Variants in SH3PXD2A observed in about 807,000 individuals in gnomAD.
The protein encoded by SH3PXD2A is SH3 and PX domains 2A.
Under a neutral mutation model 115.2 loss-of-function variants are expected in SH3PXD2A, and 32 were observed. The observed-to-expected ratio is 0.28, with a 90% CI of 0.21 to 0.37. The LOEUF (loss-of-function observed/expected upper bound fraction) is 0.37. Ranked by LOEUF, SH3PXD2A falls within the 10% of genes least tolerant of loss-of-function variation. The pLI is 1.00. For missense variants in SH3PXD2A, 1,328 were observed against 1,498.7 expected, an observed-to-expected ratio of 0.89 and a Z score of 1.88; for synonymous variants, 610 against 629.1, an observed-to-expected ratio of 0.97 and a Z score of 0.45.
intron 11 of SH3PXD2A, 52 bp downstream of exon 11, chr10:103,617,145 C>T: frequency 7.5e-7 from 1 of 1,327,092 alleles, no homozygotes; most frequent in Non-Finnish European, 1.1e-6. Flanking sequence ...GCACTCTGCC[C>T]AGGGCCCAGG....
chr10:103,699,320 A>G (rs954112050), intron 5 of SH3PXD2A, among the ~76,000 whole-genome samples: 2 of 152,126 alleles, frequency 1.3e-5, no homozygotes, highest in Non-Finnish European at 2.9e-5. Flanking sequence ...ACAGACTAGA[A>G]ATGATCAGCG....
intron 2 of SH3PXD2A, among the ~76,000 whole-genome samples, chr10:103,794,360 T>C (rs2039066176): frequency 6.6e-6 from 1 of 152,220 alleles, no homozygotes; most frequent in Non-Finnish European, 1.5e-5. Flanking sequence ...ATTGACCCTG[T>C]GCACTCGCTG....
At chr10:103,688,670 T>C (rs1361037746) in intron 6 of SH3PXD2A, among the ~76,000 whole-genome samples, 3 of 152,122 alleles carry the variant, frequency 2.0e-5, no homozygotes, top group East Asian at 3.9e-4. Flanking sequence ...GTGACTGGTG[T>C]GGCTGAGCAG....
At chr10:103,628,334 A>C (rs1423807417) in intron 8 of SH3PXD2A, among the ~76,000 whole-genome samples, 2 of 152,138 alleles carry the variant, frequency 1.3e-5, no homozygotes, top group African/African-American at 2.4e-5. Context: ...TCTAGTCCTG[A>C]ATGCCCTCTG....
At chr10:103,707,477 G>T (rs1310225431) in intron 5 of SH3PXD2A, among the ~76,000 whole-genome samples, 1 of 152,136 alleles carries the variant, frequency 6.6e-6, no homozygotes, top group African/African-American at 2.4e-5. Context: ...TTATAGGCGT[G>T]AGCCACCGCG....
chr10:103,674,305 C>T lies in SH3PXD2A; in HGVS notation c.428-5653G>A, dbSNP rs139014305. On this transcript the variant is annotated intron_variant, in intron 6 of 14. Transcript: ENST00000369774. The stretch of plus-strand genomic sequence containing the variant: ...GAACAGGGCACTTCCTTGTGGTAGG[C>T]ACTACTGTATAGGCACACAGCAACT... 8.2e-4 allele frequency among the ~76,000 whole-genome samples: 125 copies of T among 152,280 alleles called. 1 individual carries two copies. The highest frequency in any genetic ancestry group is 3.0e-3 in the African/African-American group (124 of 41,562).
chr10:103,596,661 ACACT>A lies in SH3PXD2A; in HGVS notation c.*5151_*5154del, dbSNP rs1305697619. 3 of 36,978 alleles carry A rather than the reference ACACT, an allele frequency of 8.1e-5. No individual in the cohort carries two copies. Among genetic ancestry groups the A allele is most frequent in the African/African-American group, 2.6e-4 (3 of 11,472 alleles). The allele number at this position is 36,978 out of a possible 1,614,324, so 2.3% of individuals were successfully genotyped here. A position where few individuals can be genotyped will look rare whatever the true frequency, so the allele number is the denominator to read the frequency against. On this transcript the variant is annotated 3_prime_UTR_variant, in exon 15 of 15. Coordinates refer to ENST00000369774, the MANE Select transcript of SH3PXD2A (RefSeq NM_001394015.1). ...CACACACACACACACACACACACAC[ACACT>A]CTCTCTCTCTCTCTCTCTCTCACAA...
chr10:103,674,982 G>A (rs1172128774), intron 6 of SH3PXD2A, among the ~76,000 whole-genome samples: 3 of 152,228 alleles, frequency 2.0e-5, no homozygotes, highest in Admixed American at 2.0e-4. Context: ...TGTTTAGTGT[G>A]TGAGCTGCTT....
chr10:103,690,375 A>G (rs980190927), intron 6 of SH3PXD2A, among the ~76,000 whole-genome samples: 1 of 152,148 alleles, frequency 6.6e-6, no homozygotes, highest in Non-Finnish European at 1.5e-5. Context: ...GTGCATAGAG[A>G]GCTTGAAGAC....
At chr10:103,788,284 G>A (rs995280790) in intron 2 of SH3PXD2A, among the ~76,000 whole-genome samples, 4 of 152,142 alleles carry the variant, frequency 2.6e-5, no homozygotes, top group Non-Finnish European at 4.4e-5. Context: ...ACTCCTGGAG[G>A]GTAACTCAGG....
chr10:103,643,140 G>A (rs954340489), intron 8 of SH3PXD2A, among the ~76,000 whole-genome samples: 9 of 152,180 alleles, frequency 5.9e-5, no homozygotes, highest in Non-Finnish European at 1.0e-4. Flanking sequence ...CTCTGACAAC[G>A]TGGATTCTTC....
intron 3 of SH3PXD2A, among the ~76,000 whole-genome samples, chr10:103,766,317 G>A (rs1468984129): frequency 1.3e-5 from 2 of 152,230 alleles, no homozygotes; most frequent in East Asian, 1.9e-4. Context: ...TCTGGGGAAC[G>A]GTAGGGGTTC....
At chr10:103,849,477 C>A (rs958600037) in intron 1 of SH3PXD2A, among the ~76,000 whole-genome samples, 3 of 152,210 alleles carry the variant, frequency 2.0e-5, no homozygotes, top group African/African-American at 7.2e-5. Flanking sequence ...CTGACCGGCA[C>A]CATGCACACA....
rs9521 is a variant in SH3PXD2A at position 103,598,701 on chromosome 10, C to G, written c.*3115G>C. 52,216 of 152,540 alleles carry G rather than the reference C, an allele frequency of 0.34. 9,360 individuals are homozygous for G. The highest frequency in any genetic ancestry group is 0.45 in the East Asian group (2,324 of 5,156). 9.4% of individuals were successfully genotyped at this position (152,540 alleles called of 1,614,324 possible). A position where few individuals can be genotyped will look rare whatever the true frequency, so the allele number is the denominator to read the frequency against. ...GCCCCCTCCCTCCTCTGCCTGCTGCCGGCAGTATCCTTCAGCATCACAAAG... is the reference window on the plus strand; with the variant it reads ...GCCCCCTCCCTCCTCTGCCTGCTGCGGGCAGTATCCTTCAGCATCACAAAG... On this transcript the variant is annotated 3_prime_UTR_variant, in exon 15 of 15. Transcript: ENST00000369774.
intron 1 of SH3PXD2A, among the ~76,000 whole-genome samples, chr10:103,820,329 C>T (rs1011698624): frequency 5.9e-5 from 9 of 152,120 alleles, no homozygotes; most frequent in African/African-American, 9.7e-5. Context: ...AACTCCAGGA[C>T]GTCATTTGCT....
At chr10:103,713,928 T>C (rs1474154770) in intron 5 of SH3PXD2A, among the ~76,000 whole-genome samples, 1 of 152,192 alleles carries the variant, frequency 6.6e-6, no homozygotes, top group African/African-American at 2.4e-5. Flanking sequence ...GAGTGGGGAC[T>C]GAGCTACTTC....
At chr10:103,789,534 C>T (rs1306391066) in intron 2 of SH3PXD2A, among the ~76,000 whole-genome samples, 1 of 144,238 alleles carries the variant, frequency 6.9e-6, no homozygotes, top group East Asian at 2.0e-4. Context: ...TATACGTACA[C>T]ACACACACAC....
chr10:103,805,090 A>G (rs920490438), intron 1 of SH3PXD2A, among the ~76,000 whole-genome samples: 1 of 152,186 alleles, frequency 6.6e-6, no homozygotes, highest in Non-Finnish European at 1.5e-5. Flanking sequence ...TCCGGAACCA[A>G]CCAAGCGGAG....
chr10:103,699,045 T>C (rs918112977), intron 5 of SH3PXD2A, among the ~76,000 whole-genome samples: 5 of 151,968 alleles, frequency 3.3e-5, no homozygotes, highest in East Asian at 1.9e-4. Flanking sequence ...GTTTGCAGAA[T>C]TGGGGAGTGA....
Sources: gnomAD v4.1 joint callset for allele counts (sites outside exome capture counted in the v4.1 genomes callset) on GRCh38, gnomAD v4.1.1 for gene constraint, MANE v1.5 for transcripts, NCBI Gene and HGNC (gene_info 2026-07-23, HGNC 2026-07-21) for gene names.